HPSE2: variants seen among roughly 807,000 people sequenced by gnomAD.
HPSE2 encodes the protein inactive heparanase-2.
Under a neutral mutation model 60.5 loss-of-function variants are expected in HPSE2, and 38 were observed. The observed-to-expected ratio is 0.63, with a 90% CI of 0.48 to 0.82. The LOEUF (loss-of-function observed/expected upper bound fraction) is 0.82. Among genes scored for constraint, HPSE2 ranks in the 40% least tolerant of loss-of-function variants. The probability of loss-of-function intolerance (pLI) is 0.00; values close to 1 mark genes in which losing one functional copy is unlikely to be tolerated. For missense variants in HPSE2, 713 were observed against 740.4 expected (o/e 0.96, Z 0.43); for synonymous variants, 295 against 293.2 (o/e 1.01, Z -0.06).
At chr10:99,247,232 T>C in the HPSE2 span, among the ~76,000 whole-genome samples, 2 of 152,206 alleles carry the variant, frequency 1.3e-5, no homozygotes, top group African/African-American at 4.8e-5. Context: ...ACATATAATC[T>C]CCTTTAAAGA....
At chr10:98,576,494 C>A (rs1351042844) in intron 9 of HPSE2, among the ~76,000 whole-genome samples, 1 of 152,034 alleles carries the variant, frequency 6.6e-6, no homozygotes, top group South Asian at 2.1e-4. Context: ...GTAATAAAAA[C>A]TACCTCGGGC....
At chr10:98,522,992 G>T (rs1175108423) in intron 9 of HPSE2, among the ~76,000 whole-genome samples, 1 of 152,198 alleles carries the variant, frequency 6.6e-6, no homozygotes, top group African/African-American at 2.4e-5. Flanking sequence ...CCATACAGCA[G>T]GATTTTTCTG....
chr10:99,290,613 TG>T, the HPSE2 span, among the ~76,000 whole-genome samples: 130,036 of 152,096 alleles, frequency 0.85, 55,941 homozygotes, highest in African/African-American at 0.92. Flanking sequence ...CTCTGATCAC[TG>T]CTCCATTTAT....
intron 3 of HPSE2, among the ~76,000 whole-genome samples, chr10:98,832,941 G>A (rs977617356): frequency 5.9e-5 from 9 of 152,152 alleles, no homozygotes; most frequent in Non-Finnish European, 8.8e-5. Context: ...CTGACAGAAC[G>A]GCTGTTTTAT....
At chr10:99,279,198 T>C in the HPSE2 span, among the ~76,000 whole-genome samples, 3 of 152,118 alleles carry the variant, frequency 2.0e-5, no homozygotes, top group Non-Finnish European at 4.4e-5. Context: ...AGAAAGAAAA[T>C]TGATTCTTTT....
intron 2 of HPSE2, among the ~76,000 whole-genome samples, chr10:99,168,251 A>C (rs1006400731): frequency 1.3e-5 from 2 of 152,162 alleles, no homozygotes; most frequent in Non-Finnish European, 2.9e-5. Flanking sequence ...TTTCAATAAA[A>C]TTTTATAATT....
intron 6 of HPSE2, among the ~76,000 whole-genome samples, chr10:98,661,590 C>T (rs1174872912): frequency 1.3e-5 from 2 of 152,166 alleles, no homozygotes; most frequent in Admixed American, 1.3e-4. Flanking sequence ...TCTTAACTTT[C>T]CTTTTTTCAC....
chr10:99,129,389 A>G (rs922863805), intron 3 of HPSE2, among the ~76,000 whole-genome samples: 4 of 152,214 alleles, frequency 2.6e-5, no homozygotes, highest in Non-Finnish European at 5.9e-5. Flanking sequence ...ATGTCACAAA[A>G]CAAGTCTCAA....
At chr10:98,773,858 T>C (rs1207365621) in intron 3 of HPSE2, among the ~76,000 whole-genome samples, 9 of 152,094 alleles carry the variant, frequency 5.9e-5, no homozygotes, top group Admixed American at 5.9e-4. Context: ...GAGTTTGAGA[T>C]CAGCCTGGGC....
chr10:98,950,539 T>C (rs1387910496), intron 3 of HPSE2, among the ~76,000 whole-genome samples: 2 of 152,166 alleles, frequency 1.3e-5, no homozygotes, highest in African/African-American at 4.8e-5. Context: ...CAATTATAGT[T>C]TTCCTGCTAT....
chr10:98,801,996 C>T (rs118140384), intron 3 of HPSE2, among the ~76,000 whole-genome samples: 2 of 152,030 alleles, frequency 1.3e-5, no homozygotes, highest in African/African-American at 2.4e-5. Flanking sequence ...AAAACATAGA[C>T]CAACAGAACA....
chr10:98,571,393 C>T (rs941142861), intron 9 of HPSE2, among the ~76,000 whole-genome samples: 3 of 152,116 alleles, frequency 2.0e-5, no homozygotes, highest in South Asian at 2.1e-4. Context: ...GATCATACTG[C>T]ACAGACTAAC....
chr10:99,107,406 T>G (rs988753501), intron 3 of HPSE2, among the ~76,000 whole-genome samples: 1 of 152,178 alleles, frequency 6.6e-6, no homozygotes, highest in African/African-American at 2.4e-5. Context: ...TTCTAGCCCT[T>G]TATCATGTCT....
intron 3 of HPSE2, among the ~76,000 whole-genome samples, chr10:98,977,891 T>C (rs1332444238): frequency 6.6e-6 from 1 of 151,362 alleles, no homozygotes; most frequent in Non-Finnish European, 1.5e-5. Flanking sequence ...TGTATATAAA[T>C]TATATACTAA....
the HPSE2 span, among the ~76,000 whole-genome samples, chr10:99,298,891 T>TCTC: frequency 6.6e-6 from 1 of 152,118 alleles, no homozygotes; most frequent in South Asian, 2.1e-4. Flanking sequence ...GCCAGGATGG[T>TCTC]CTCCATCTCT....
At chr10:98,581,001 C>T (rs1233377836) in intron 9 of HPSE2, among the ~76,000 whole-genome samples, 3 of 150,472 alleles carry the variant, frequency 2.0e-5, no homozygotes, top group South Asian at 2.1e-4. Flanking sequence ...AGTGTGGTCC[C>T]GTGATCTCAG....
the HPSE2 span, among the ~76,000 whole-genome samples, chr10:99,255,716 A>T: frequency 6.6e-6 from 1 of 152,198 alleles, no homozygotes; most frequent in Non-Finnish European, 1.5e-5. Flanking sequence ...ACTATGAAAA[A>T]TATATAGGTA....
intron 3 of HPSE2, among the ~76,000 whole-genome samples, chr10:99,030,396 C>T (rs1957473676): frequency 6.6e-6 from 1 of 152,140 alleles, no homozygotes; most frequent in South Asian, 2.1e-4. Context: ...TGAAAAAGTG[C>T]TCAACATAAT....
At chr10:98,766,562 A>G (rs939525000) in intron 3 of HPSE2, among the ~76,000 whole-genome samples, 4 of 152,196 alleles carry the variant, frequency 2.6e-5, no homozygotes, top group African/African-American at 9.7e-5. Flanking sequence ...TTAATTCACA[A>G]ATGTAAGGAA....
Sources: allele counts gnomAD v4.1 joint callset (sites outside exome capture counted in the v4.1 genomes callset), GRCh38; gene constraint gnomAD v4.1.1; transcripts MANE v1.5; gene names NCBI Gene and HGNC (gene_info 2026-07-23, HGNC 2026-07-21).